FNBP1L: variants seen among roughly 807,000 people sequenced by gnomAD.
FNBP1L encodes the protein formin-binding protein 1-like.
Under a neutral mutation model 91.2 loss-of-function variants are expected in FNBP1L, and 36 were observed. That is an observed-to-expected ratio of 0.39 (90% CI 0.30 to 0.52). The LOEUF (loss-of-function observed/expected upper bound fraction) is 0.52. FNBP1L is among the 20% of genes least tolerant of loss of function. The pLI, the probability that FNBP1L is intolerant of heterozygous loss-of-function variation, is 0.66. For missense variants in FNBP1L, 571 were observed against 732.1 expected (o/e 0.78, Z 2.54); for synonymous variants, 242 against 237.0 (o/e 1.02, Z -0.19).
At position 93,523,380 on chromosome 1, in the gene FNBP1L, T is replaced by G; in HGVS notation, c.231T>G (p.Asn77Lys). The change falls in exon 4 of 17, where the codon AAT becomes AAG. Residue 77 changes from asparagine to lysine, a missense_variant. Asn to Lys is a moderately conservative substitution (Grantham distance 94). Transcript: ENST00000271234. ...TSCVAFFNIL[N>K]ELNDYAGQRE... ...GTGTAGCCTTTTTTAATATCCTTAA[T>G]GAGTTAAATGACTATGCAGGACAGC... 1 of 1,608,620 alleles carries G rather than the reference T, an allele frequency of 6.2e-7. No individual in the cohort carries two copies.
At chr1:93,449,123 CTCCTT>C (rs1188799802) in intron 1 of FNBP1L, among the ~76,000 whole-genome samples, 3 of 152,378 alleles carry the variant, frequency 2.0e-5, no homozygotes, top group African/African-American at 4.8e-5. Context: ...CCTTCGTTCT[CTCCTT>C]TCCTTTCCTC....
chr1:93,468,328 C>T (rs907685291), intron 1 of FNBP1L, among the ~76,000 whole-genome samples: 4 of 152,056 alleles, frequency 2.6e-5, no homozygotes, highest in African/African-American at 9.7e-5. Context: ...TATGCATATA[C>T]CACATTTTAT....
At chr1:93,472,460 C>A (rs917692246) in intron 1 of FNBP1L, among the ~76,000 whole-genome samples, 1 of 151,770 alleles carries the variant, frequency 6.6e-6, no homozygotes, top group Non-Finnish European at 1.5e-5. Flanking sequence ...ATTATACTAC[C>A]TTTTATTGAA....
At chr1:93,511,249 C>G (rs940863836) in intron 2 of FNBP1L, among the ~76,000 whole-genome samples, 1 of 152,208 alleles carries the variant, frequency 6.6e-6, no homozygotes, top group Non-Finnish European at 1.5e-5. Context: ...AGACTAACAG[C>G]TGATCTCTCA....
At chr1:93,505,439 A>G (rs769340834) in intron 2 of FNBP1L, among the ~76,000 whole-genome samples, 3 of 152,120 alleles carry the variant, frequency 2.0e-5, no homozygotes, top group Non-Finnish European at 4.4e-5. Context: ...GCAACTTAGA[A>G]CTTTGTAAAA....
At chr1:93,523,581 A>C in intron 4 of FNBP1L, 90 bp downstream of exon 4, 1 of 1,232,296 alleles carries the variant, frequency 8.1e-7, no homozygotes, top group Non-Finnish European at 1.1e-6. Context: ...TGTTCAGCAT[A>C]AACTGGTTTT....
chr1:93,540,768 A>G (rs1002829969), intron 10 of FNBP1L, among the ~76,000 whole-genome samples: 1 of 152,086 alleles, frequency 6.6e-6, no homozygotes, highest in Non-Finnish European at 1.5e-5. Context: ...AAGAAAATGC[A>G]TGATTACAGG....
At chr1:93,549,813 A>G (rs982850403) in intron 15 of FNBP1L, among the ~76,000 whole-genome samples, 2 of 152,190 alleles carry the variant, frequency 1.3e-5, no homozygotes, top group African/African-American at 4.8e-5. Flanking sequence ...CTTGTAGCTT[A>G]CTAACATTAA....
Position 93,547,435 on chromosome 1 carries a change from G to A in FNBP1L, c.1496G>A (p.Arg499Gln). The change falls in exon 14 of 17, where the codon CGA becomes CAA. Residue 499 changes from arginine to glutamine, a missense_variant. This residue lies in a region of FNBP1L where 189 missense variants were observed against 219.7 expected (regional missense o/e 0.86). Transcript: ENST00000271234. ...SDINHLVTQG[R>Q]ESPEGSYTDD... ...ATAAATCATCTTGTAACACAGGGAC[G>A]AGAAAGGTGATTTTTTGTATTTTAT... is the stretch of plus-strand genomic sequence containing the variant. 1 of 1,551,700 alleles carries A rather than the reference G, an allele frequency of 6.4e-7. No homozygotes were observed. The highest frequency in any genetic ancestry group is 8.7e-7 in the Non-Finnish European group (1 of 1,146,542).
At position 93,459,489 on chromosome 1, in the gene FNBP1L, G is replaced by A. The variant is rs1339716111; in HGVS notation, c.24+11184G>A. Among the ~76,000 whole-genome samples the A allele has an allele frequency of 2.6e-5, 4 of 152,126 alleles. No individual in the cohort carries two copies. The East Asian group carries it at 7.7e-4, about 29-fold the overall frequency. ...ATATGAAAAAATGCTCAACATCTCTGATCATCAGGGAAATGCAAATTAAAG... is the reference window on the plus strand; with the variant it reads ...ATATGAAAAAATGCTCAACATCTCTAATCATCAGGGAAATGCAAATTAAAG... On this transcript the variant is annotated intron_variant, in intron 1 of 16. Coordinates refer to ENST00000271234, the MANE Select transcript of FNBP1L (RefSeq NM_001164473.3).
At chr1:93,541,983 T>A (rs1672061103) in intron 11 of FNBP1L, among the ~76,000 whole-genome samples, 1 of 152,124 alleles carries the variant, frequency 6.6e-6, no homozygotes, top group Non-Finnish European at 1.5e-5. Flanking sequence ...TTATTGTGAG[T>A]TTATCATAAT....
At chr1:93,473,837 T>C (rs1394501852) in intron 1 of FNBP1L, among the ~76,000 whole-genome samples, 1 of 152,150 alleles carries the variant, frequency 6.6e-6, no homozygotes, top group Non-Finnish European at 1.5e-5. Context: ...CTGCTAGTAG[T>C]TAGGCCTTAA....
intron 10 of FNBP1L, among the ~76,000 whole-genome samples, chr1:93,539,591 A>G (rs1671960514): frequency 6.6e-6 from 1 of 152,068 alleles, no homozygotes; most frequent in African/African-American, 2.4e-5. Context: ...GATAATTTGC[A>G]TCACTTAGAA....
intron 1 of FNBP1L, among the ~76,000 whole-genome samples, chr1:93,474,703 T>A (rs965949117): frequency 3.3e-5 from 5 of 152,194 alleles, no homozygotes; most frequent in Non-Finnish European, 5.9e-5. Flanking sequence ...AGAGAGGCCA[T>A]AATGCTGGGG....
intron 1 of FNBP1L, among the ~76,000 whole-genome samples, chr1:93,470,608 C>G (rs1324356044): frequency 6.6e-6 from 1 of 151,910 alleles, no homozygotes; most frequent in Non-Finnish European, 1.5e-5. Flanking sequence ...CACGGTGGCT[C>G]AGACCTGTAA....
intron 2 of FNBP1L, among the ~76,000 whole-genome samples, chr1:93,508,951 T>A (rs1352646855): frequency 6.6e-6 from 1 of 152,232 alleles, no homozygotes; most frequent in Non-Finnish European, 1.5e-5. Flanking sequence ...TTTAAGATTA[T>A]GTCCTATCAA....
intron 2 of FNBP1L, among the ~76,000 whole-genome samples, chr1:93,518,812 T>A (rs1570837608): frequency 6.6e-6 from 1 of 152,216 alleles, no homozygotes; most frequent in East Asian, 1.9e-4. Context: ...AATTGAATTT[T>A]AGAATATTTT....
At chr1:93,522,034 A>G (rs1389893495) in intron 2 of FNBP1L, 48 bp from the exon 3 acceptor site, 2 of 1,194,972 alleles carry the variant, frequency 1.7e-6, no homozygotes, top group African/African-American at 3.2e-5. Context: ...TTCAATTGTA[A>G]CAATAGTTGA....
intron 14 of FNBP1L, among the ~76,000 whole-genome samples, chr1:93,548,587 T>C (rs1299472277): frequency 2.0e-5 from 3 of 152,208 alleles, no homozygotes; most frequent in Non-Finnish European, 4.4e-5. Flanking sequence ...CTTCATTGGC[T>C]GACTTCAGGG....
Sources: allele counts gnomAD v4.1 joint callset (sites outside exome capture counted in the v4.1 genomes callset), GRCh38; gene constraint gnomAD v4.1.1; regional missense constraint gnomAD v4.1.1; transcripts MANE v1.5; gene names NCBI Gene and HGNC (gene_info 2026-07-23, HGNC 2026-07-21).